The following POLH variants were observed in gnomAD, a reference collection of about 807,000 sequenced individuals.
POLH encodes the protein DNA polymerase eta.
In POLH, 53 loss-of-function variants were observed where a neutral mutation model predicts 73.6. That is an observed-to-expected ratio of 0.72 (90% CI 0.58 to 0.91). The LOEUF (loss-of-function observed/expected upper bound fraction) is 0.91, where lower values mean the gene tolerates loss of function less well. Ranked by LOEUF, POLH falls within the 40% of genes least tolerant of loss-of-function variation. POLH has a pLI of 0.00. For missense variants in POLH, 768 were observed against 865.4 expected, an observed-to-expected ratio of 0.89 and a Z score of 1.41; for synonymous variants, 292 against 308.5, an observed-to-expected ratio of 0.95 and a Z score of 0.56.
At chr6:43,580,895 A>G (rs1764055177) in intron 1 of POLH, among the ~76,000 whole-genome samples, 1 of 135,574 alleles carries the variant, frequency 7.4e-6, no homozygotes, top group Non-Finnish European at 1.6e-5. Flanking sequence ...CGGAGGGCTG[A>G]CCCCCCCACC....
intron 9 of POLH, among the ~76,000 whole-genome samples, chr6:43,606,265 T>C (rs1167585682): frequency 6.6e-6 from 1 of 152,150 alleles, no homozygotes; most frequent in Non-Finnish European, 1.5e-5. Flanking sequence ...CCTACGTGTC[T>C]GCTACTTTAT....
intron 1 of POLH, among the ~76,000 whole-genome samples, chr6:43,578,830 C>T (rs1763691857): frequency 6.6e-6 from 1 of 152,180 alleles, no homozygotes; most frequent in African/African-American, 2.4e-5. Flanking sequence ...TGTCTGTCAA[C>T]TGATTCCGTA....
In POLH at chr6:43,601,855, C is replaced by T. The variant is rs547796656; in HGVS notation, c.764+764C>T. ...GGTGGATCACCTGAAGTCAGGAGTT[C>T]GAGACCAGCCTGGCCAACATGGTGA... On this transcript the variant is annotated intron_variant, in intron 6 of 10. Transcript: ENST00000372236. Among the ~76,000 whole-genome samples, 242 of 152,102 alleles carry T rather than the reference C, an allele frequency of 1.6e-3. 6 individuals are homozygous for T. Among genetic ancestry groups the T allele is most frequent in the African/African-American group, 5.4e-3 (224 of 41,528 alleles).
intron 9 of POLH, among the ~76,000 whole-genome samples, chr6:43,609,011 C>T (rs192112161): frequency 8.0e-4 from 122 of 152,270 alleles, no homozygotes; most frequent in African/African-American, 2.8e-3. Context: ...TAGCACTTCC[C>T]GTTTCTTTGC....
At chr6:43,602,443 G>A (rs111259865) in intron 6 of POLH, among the ~76,000 whole-genome samples, 3,921 of 152,312 alleles carry the variant, frequency 0.026, 155 homozygotes, top group African/African-American at 0.087. Context: ...AAAGGCATGG[G>A]ATTTTGTTTT....
At chr6:43,598,654 GA>G in intron 5 of POLH, among the ~76,000 whole-genome samples, 1 of 151,094 alleles carries the variant, frequency 6.6e-6, no homozygotes, top group Non-Finnish European at 1.5e-5. Context: ...AAAAGAAAAA[GA>G]AAAGAAAAAC....
At position 43,613,941 on chromosome 6, in the gene POLH, T is replaced by C. The variant is rs1768149653; in HGVS notation, c.1526T>C (p.Met509Thr). ...SSLTAPTQAP[M>T]SNSPSKPSLP... is the part of the protein sequence containing the mutation. ...CTTACTGCTCCCACTCAGGCTCCCA[T>C]GAGCAATTCACCATCCAAGCCCTCA... Residue 509 changes from methionine to threonine, a missense_variant, in exon 11 of 11, where the codon ATG becomes ACG. Coordinates refer to ENST00000372236, the MANE Select transcript of POLH (RefSeq NM_006502.3). 8 of 1,613,980 alleles carry C rather than the reference T, an allele frequency of 5.0e-6. 1 individual carries two copies. In the South Asian group the frequency reaches 7.7e-5, roughly 16 times the overall value.
rs1169717855 is a variant in POLH, at chr6:43,583,092, C to T, written c.223C>T (p.Leu75Phe). The T allele has an allele frequency of 6.2e-7, 1 of 1,613,826 alleles. No individual in the cohort carries two copies. Residue 75 changes from leucine (L) to phenylalanine (F), a missense_variant, in exon 3 of 11, where the codon CTT (leucine) becomes TTT (phenylalanine). Physicochemically the swap from Leu to Phe is conservative, Grantham distance 22. Coordinates refer to ENST00000372236, the MANE Select transcript of POLH (RefSeq NM_006502.3). ...TGATGCTAAGAAGTTATGTCCAGAT[C>T]TTCTACTGGCACAAGTTCGTGAGTC... ...ADDAKKLCPD[L>F]LLAQVRESRG... is the part of the protein sequence containing the mutation.
At chr6:43,581,470 C>G (rs1283003635) in intron 1 of POLH, among the ~76,000 whole-genome samples, 6 of 146,142 alleles carry the variant, frequency 4.1e-5, no homozygotes, top group Admixed American at 6.7e-5. Flanking sequence ...GGCAGAGACA[C>G]TCCTCACTTC....
chr6:43,598,208 A>G (rs1316679300), intron 5 of POLH, among the ~76,000 whole-genome samples: 1 of 151,868 alleles, frequency 6.6e-6, no homozygotes, highest in Non-Finnish European at 1.5e-5. Context: ...CACCAAAAAA[A>G]AAAAAAAAAA....
chr6:43,586,098 G>A (rs570870441), intron 3 of POLH, among the ~76,000 whole-genome samples: 6 of 152,052 alleles, frequency 3.9e-5, no homozygotes, highest in East Asian at 1.9e-4. Context: ...AAGAGGTACC[G>A]ATGTTTTCAT....
chr6:43,581,897 ACCT>A (rs1207698881), intron 1 of POLH, among the ~76,000 whole-genome samples: 1 of 147,316 alleles, frequency 6.8e-6, no homozygotes, highest in African/African-American at 2.5e-5. Context: ...CGGCGCCGCG[ACCT>A]CCTCTCAAGA....
chr6:43,587,136 A>G (rs149253289), intron 3 of POLH, 136 bp from the exon 4 acceptor site: 1 of 763,152 alleles, frequency 1.3e-6, no homozygotes, highest in Non-Finnish European at 2.4e-6. Flanking sequence ...TTCAGTTACT[A>G]TTGTCTAGTC....
At chr6:43,597,370 C>T (rs1406124980) in intron 4 of POLH, among the ~76,000 whole-genome samples, 4 of 152,230 alleles carry the variant, frequency 2.6e-5, no homozygotes, top group African/African-American at 9.6e-5. Flanking sequence ...CCGCCTTGCT[C>T]TCCCAAAATG....
chr6:43,581,911 TCGAG>T, intron 1 of POLH, among the ~76,000 whole-genome samples: 1 of 150,658 alleles, frequency 6.6e-6, no homozygotes, highest in African/African-American at 2.4e-5. Context: ...CCTCTCAAGA[TCGAG>T]TGAAAGAATC....
chr6:43,613,169 C>T (rs1053278432), intron 10 of POLH, among the ~76,000 whole-genome samples: 5 of 152,158 alleles, frequency 3.3e-5, no homozygotes, highest in African/African-American at 1.2e-4. Flanking sequence ...ATTTCATTCT[C>T]TAGAAATTCC....
At chr6:43,577,773 G>A (rs1019556272) in intron 1 of POLH, among the ~76,000 whole-genome samples, 8 of 152,162 alleles carry the variant, frequency 5.3e-5, no homozygotes, top group Non-Finnish European at 1.0e-4. Flanking sequence ...CTGCATATTG[G>A]AATTACCTGG....
intron 1 of POLH, among the ~76,000 whole-genome samples, chr6:43,581,177 C>G (rs1467443335): frequency 1.4e-5 from 2 of 145,738 alleles, no homozygotes; most frequent in Non-Finnish European, 3.0e-5. Context: ...ACTTCTCAGA[C>G]GGGGCAGCCG....
chr6:43,600,158 C>CAA (rs138043805), intron 5 of POLH, among the ~76,000 whole-genome samples: 1 of 135,090 alleles, frequency 7.4e-6, no homozygotes, highest in Non-Finnish European at 1.6e-5. Context: ...AACTCTGTCT[C>CAA]AAAAAAAAAA....
Sources: gnomAD v4.1 joint callset for allele counts (sites outside exome capture counted in the v4.1 genomes callset) on GRCh38, gnomAD v4.1.1 for gene constraint, MANE v1.5 for transcripts, NCBI Gene and HGNC (gene_info 2026-07-23, HGNC 2026-07-21) for gene names.